LNX1: variants seen among roughly 807,000 people sequenced by gnomAD.
The protein encoded by LNX1 is ligand of numb-protein X 1.
In LNX1, 54 loss-of-function variants were observed where a neutral mutation model predicts 68.4. The ratio of observed to expected loss-of-function variants is 0.79; its 90% CI spans 0.63 to 0.99. LNX1 has a LOEUF of 0.99. Among genes scored for constraint, LNX1 ranks in the 50% least tolerant of loss-of-function variants. The pLI, the probability that LNX1 is intolerant of heterozygous loss-of-function variation, is 0.00. For synonymous variants in LNX1, 336 were observed against 350.0 expected, an observed-to-expected ratio of 0.96 and a Z score of 0.45; for missense variants, 906 against 926.4, an observed-to-expected ratio of 0.98 and a Z score of 0.29.
At chr4:53,634,998 A>G (rs1022086386) in intron 1 of LNX1, among the ~76,000 whole-genome samples, 1 of 151,392 alleles carries the variant, frequency 6.6e-6, no homozygotes, top group Non-Finnish European at 1.5e-5. Flanking sequence ...GCTAATTTTT[A>G]GATTTATTTT....
chr4:53,486,801 CAT>C (rs978990070), intron 6 of LNX1, among the ~76,000 whole-genome samples: 6 of 152,146 alleles, frequency 3.9e-5, no homozygotes, highest in Non-Finnish European at 5.9e-5. Context: ...AATTGCCAAT[CAT>C]ATTTATATGA....
chr4:53,540,911 C>A (rs767332688), intron 2 of LNX1, among the ~76,000 whole-genome samples: 5 of 151,684 alleles, frequency 3.3e-5, no homozygotes, highest in Non-Finnish European at 5.9e-5. Context: ...CTGAGACGGG[C>A]GGATCACTTG....
intron 2 of LNX1, among the ~76,000 whole-genome samples, chr4:53,549,948 G>C (rs1356289302): frequency 6.6e-6 from 1 of 152,178 alleles, no homozygotes; most frequent in Non-Finnish European, 1.5e-5. Flanking sequence ...GTGGCATCTT[G>C]AAACTGCTGG....
intron 2 of LNX1, among the ~76,000 whole-genome samples, chr4:53,513,356 G>A (rs1032716828): frequency 6.6e-6 from 1 of 152,062 alleles, no homozygotes; most frequent in Non-Finnish European, 1.5e-5. Flanking sequence ...ATGGACAGTA[G>A]AAGGGAGAAA....
chr4:53,607,501 AG>A (rs1733281671), intron 2 of LNX1, among the ~76,000 whole-genome samples: 1 of 152,242 alleles, frequency 6.6e-6, no homozygotes, highest in South Asian at 2.1e-4. Flanking sequence ...GTTCATAGAT[AG>A]GAAGAATCAA....
At chr4:53,482,548 T>C (rs1211689426) in intron 6 of LNX1, among the ~76,000 whole-genome samples, 2 of 152,208 alleles carry the variant, frequency 1.3e-5, no homozygotes, top group Non-Finnish European at 2.9e-5. Context: ...AAAAAATGTC[T>C]TTTGCAGCAA....
rs182718421 is a variant in LNX1 at position 53,540,202 on chromosome 4, C to T, written c.381-31975G>A. The stretch of plus-strand genomic sequence containing the variant: ...TTTGAGACCAGTCTAGACAACATGG[C>T]AAAACCCTGTCTCTAAAAAAAAATA... On this transcript the variant is annotated intron_variant, in intron 2 of 10. Transcript: ENST00000263925. Among the ~76,000 whole-genome samples, 143 of 151,976 alleles carry T rather than the reference C, an allele frequency of 9.4e-4. 1 individual carries two copies. Among genetic ancestry groups the T allele is most frequent in the Middle Eastern group, 6.8e-3 (2 of 294 alleles).
At chr4:53,589,079 C>A (rs2109816205) in intron 1 of LNX1, among the ~76,000 whole-genome samples, 1 of 152,328 alleles carries the variant, frequency 6.6e-6, no homozygotes. Flanking sequence ...GGAGACCAAA[C>A]ACCCAGTCTG....
chr4:53,625,386 C>A (rs1422713769), intron 1 of LNX1, among the ~76,000 whole-genome samples: 2 of 151,886 alleles, frequency 1.3e-5, no homozygotes, highest in Non-Finnish European at 2.9e-5. Flanking sequence ...AAAGACAAGC[C>A]AGTTAAAAAA....
intron 2 of LNX1, among the ~76,000 whole-genome samples, chr4:53,551,438 G>C (rs1729507508): frequency 6.6e-6 from 1 of 152,150 alleles, no homozygotes; most frequent in Non-Finnish European, 1.5e-5. Flanking sequence ...CTCAGGAGTT[G>C]GGTGAGTGGA....
Position 53,460,708 on chromosome 4 carries a change from GA to G in LNX1, c.*198del. On this transcript the variant is annotated 3_prime_UTR_variant, in exon 11 of 11. Coordinates refer to ENST00000263925, the MANE Select transcript of LNX1 (RefSeq NM_001126328.3). Reference sequence around the variant, plus strand: ...AGAGTAATGAGAAATCCTCCACACTGAAAAAAAACTAGTAGTTTTAATTTTT... The same window carrying G: ...AGAGTAATGAGAAATCCTCCACACTGAAAAAAACTAGTAGTTTTAATTTTT... 5 of 527,876 alleles carry G rather than the reference GA, an allele frequency of 9.5e-6. No individual in the cohort carries two copies. Among genetic ancestry groups the G allele is most frequent in the Non-Finnish European group, 1.3e-5 (4 of 308,606 alleles). 32.7% of individuals were successfully genotyped at this position (527,876 alleles called of 1,614,324 possible). A position where few individuals can be genotyped will look rare whatever the true frequency, so the allele number is the denominator to read the frequency against.
chr4:53,575,511 C>G, intron 1 of LNX1: 1 of 985,364 alleles, frequency 1.0e-6, no homozygotes, highest in Non-Finnish European at 1.2e-6. Flanking sequence ...CTCAGGGAGT[C>G]CCCATTCCAG....
At chr4:53,571,961 A>G (rs1731195642) in intron 2 of LNX1, among the ~76,000 whole-genome samples, 1 of 152,102 alleles carries the variant, frequency 6.6e-6, no homozygotes, top group South Asian at 2.1e-4. Context: ...GCGCCCAGCA[A>G]TTTGGGTTGT....
intron 2 of LNX1, among the ~76,000 whole-genome samples, chr4:53,512,536 AC>A (rs1201102885): frequency 6.8e-6 from 1 of 147,190 alleles, no homozygotes; most frequent in African/African-American, 2.6e-5. Flanking sequence ...AGGGGAGATG[AC>A]CCCTAAAGAG....
chr4:53,590,663 T>A (rs1732455399), intron 1 of LNX1, among the ~76,000 whole-genome samples: 1 of 152,208 alleles, frequency 6.6e-6, no homozygotes, highest in African/African-American at 2.4e-5. Flanking sequence ...GTCCAAAAAA[T>A]TAAAAATCAG....
At chr4:53,507,292 C>G (rs1165793642) in intron 4 of LNX1, 25 bp downstream of exon 4, 1 of 1,607,724 alleles carries the variant, frequency 6.2e-7, no homozygotes, top group Non-Finnish European at 8.5e-7. Flanking sequence ...CCATGTCCAT[C>G]CAGCCTTATG....
intron 1 of LNX1, among the ~76,000 whole-genome samples, chr4:53,633,391 T>C (rs769257271): frequency 1.3e-5 from 2 of 152,208 alleles, no homozygotes; most frequent in Non-Finnish European, 2.9e-5. Context: ...ATCTTCCTCA[T>C]ATTATTGCTT....
At chr4:53,650,958 A>G (rs570944816) in intron 1 of LNX1, among the ~76,000 whole-genome samples, 3 of 152,312 alleles carry the variant, frequency 2.0e-5, no homozygotes, top group African/African-American at 7.2e-5. Context: ...AAGACTTCAC[A>G]TGCATAATCT....
In LNX1 at chr4:53,496,170, C is replaced by T; in HGVS notation, c.1203G>A (p.Val401=). ...EQLGIKLVRK[V]DEPGVFIFNV... ...TGAAGATGAAAACCCCAGGCTCATC[C>T]ACCTTGCGCACCAGTTTTATTCCAA... Residue 401 remains valine (V), a synonymous_variant, in exon 6 of 11, where the codon GTG becomes GTA. Coordinates refer to ENST00000263925, the MANE Select transcript of LNX1 (RefSeq NM_001126328.3). The T allele has an allele frequency of 1.2e-6, 2 of 1,614,170 alleles. No homozygotes were observed. Among genetic ancestry groups the T allele is most frequent in the Non-Finnish European group, 1.7e-6 (2 of 1,180,034 alleles).
Sources: allele counts gnomAD v4.1 joint callset (sites outside exome capture counted in the v4.1 genomes callset), GRCh38; gene constraint gnomAD v4.1.1; transcripts MANE v1.5; gene names NCBI Gene and HGNC (gene_info 2026-07-23, HGNC 2026-07-21).